The following XKR9 variants were observed in gnomAD, a reference collection of about 807,000 sequenced individuals.
XKR9 encodes the protein XK-related protein 9.
XKR9 carries 32 observed loss-of-function variants against 32.0 expected under a neutral mutation model. The observed-to-expected ratio is 1.00, with a 90% CI of 0.76 to 1.34. XKR9 has a LOEUF of 1.34. Among genes scored for constraint, XKR9 ranks in the 40% most tolerant of loss-of-function variants. The pLI, the probability that XKR9 is intolerant of heterozygous loss-of-function variation, is 0.00. For synonymous variants in XKR9, 168 were observed against 143.4 expected, an observed-to-expected ratio of 1.17 and a Z score of -1.22; for missense variants, 546 against 429.7, an observed-to-expected ratio of 1.27 and a Z score of -2.39.
At position 70,769,199 on chromosome 8, in the gene XKR9, G is replaced by T. The variant is rs1274828626; in HGVS notation, n.353-20140G>T. ...TTCTTCACTTCTGAAGCTTATTTTGGCTGGAAATGAAATTCTGGGTTGAAA... is the reference window on the plus strand; with the variant it reads ...TTCTTCACTTCTGAAGCTTATTTTGTCTGGAAATGAAATTCTGGGTTGAAA... On this transcript the variant is annotated intron_variant and non_coding_transcript_variant, in intron 2 of 3. Transcript: ENST00000520273. 4.6e-5 allele frequency among the ~76,000 whole-genome samples: 7 copies of T among 151,164 alleles called. No homozygotes were observed. The East Asian group carries it at 5.8e-4, about 13-fold the overall frequency.
At chr8:71,048,102 T>G in the XKR9 span, among the ~76,000 whole-genome samples, 54 of 152,072 alleles carry the variant, frequency 3.6e-4, no homozygotes, top group Admixed American at 1.2e-3. Flanking sequence ...AGGGAGTGAC[T>G]GAAAAAAAAT....
At chr8:70,838,382 A>G in the XKR9 span, among the ~76,000 whole-genome samples, 1 of 152,062 alleles carries the variant, frequency 6.6e-6, no homozygotes. Context: ...TTAGGTAGGT[A>G]TCATTACCCA....
the XKR9 span, among the ~76,000 whole-genome samples, chr8:71,029,688 C>T: frequency 5.3e-5 from 8 of 151,656 alleles, no homozygotes; most frequent in Non-Finnish European, 1.0e-4. Flanking sequence ...CTGAGAAAAG[C>T]TTCTAGTATT....
At chr8:70,860,571 G>A in the XKR9 span, among the ~76,000 whole-genome samples, 1 of 151,834 alleles carries the variant, frequency 6.6e-6, no homozygotes, top group Non-Finnish European at 1.5e-5. Flanking sequence ...TATTGATTAA[G>A]ATTTCTTCCT....
At chr8:70,703,150 T>A (rs1051295057) in intron 3 of XKR9, among the ~76,000 whole-genome samples, 2 of 138,442 alleles carry the variant, frequency 1.4e-5, no homozygotes, top group Non-Finnish European at 3.2e-5. Context: ...ATGTTTTGGG[T>A]TAATATTTTT....
chr8:70,685,422 C>A (rs577265414), intron 3 of XKR9, among the ~76,000 whole-genome samples: 3 of 147,070 alleles, frequency 2.0e-5, no homozygotes, highest in East Asian at 2.0e-4. Context: ...ATGCAGCACA[C>A]CAGCATGGCA....
chr8:71,017,452 G>T, the XKR9 span, among the ~76,000 whole-genome samples: 5 of 152,070 alleles, frequency 3.3e-5, no homozygotes, highest in Non-Finnish European at 7.4e-5. Flanking sequence ...GAGGTAGGAG[G>T]GATTGGGGAT....
chr8:70,741,643 A>G (rs1191143861), intron 2 of XKR9, among the ~76,000 whole-genome samples: 1 of 152,122 alleles, frequency 6.6e-6, no homozygotes, highest in Non-Finnish European at 1.5e-5. Context: ...TCATTCATTG[A>G]TGAATGGATT....
chr8:70,935,734 A>G, the XKR9 span, among the ~76,000 whole-genome samples: 1 of 152,178 alleles, frequency 6.6e-6, no homozygotes, highest in South Asian at 2.1e-4. Flanking sequence ...AGCACCTTTT[A>G]TTTACCAGGT....
At chr8:70,725,942 A>T (rs1317690297) in intron 4 of XKR9, among the ~76,000 whole-genome samples, 1 of 152,004 alleles carries the variant, frequency 6.6e-6, no homozygotes, top group East Asian at 1.9e-4. Context: ...AACAACAAAA[A>T]GTTCATGGAA....
At chr8:70,860,793 A>T in the XKR9 span, among the ~76,000 whole-genome samples, 1 of 151,830 alleles carries the variant, frequency 6.6e-6, no homozygotes, top group Non-Finnish European at 1.5e-5. Context: ...TAGGGCAATG[A>T]GCTTTGGACT....
the XKR9 span, among the ~76,000 whole-genome samples, chr8:70,920,211 T>C: frequency 6.6e-6 from 1 of 152,210 alleles, no homozygotes; most frequent in Non-Finnish European, 1.5e-5. Flanking sequence ...TATATACTTT[T>C]AGGAATACAT....
chr8:70,739,146 G>T (rs1389585400), downstream of XKR9, among the ~76,000 whole-genome samples: 2 of 151,976 alleles, frequency 1.3e-5, no homozygotes, highest in African/African-American at 2.4e-5. Flanking sequence ...ATGAATCTGG[G>T]TGCTCCTGTA....
chr8:70,830,416 A>C, the XKR9 span, among the ~76,000 whole-genome samples: 2 of 145,048 alleles, frequency 1.4e-5, no homozygotes, highest in Admixed American at 6.8e-5. Flanking sequence ...CCTTGTCTTT[A>C]CAAAAAAAAA....
Position 70,680,902 on chromosome 8 carries a change from C to A in XKR9, c.-157C>A. On this transcript the variant is annotated 5_prime_UTR_variant, in exon 3 of 5. Coordinates refer to ENST00000408926, the MANE Select transcript of XKR9 (RefSeq NM_001011720.2). Reference sequence around the variant, plus strand: ...AATTAGTCACTTTAGTGTTAGTGTTCCCATTTCATAATATTTATTCTTTCT... The same window carrying A: ...AATTAGTCACTTTAGTGTTAGTGTTACCATTTCATAATATTTATTCTTTCT... The A allele has an allele frequency of 1.6e-6, 1 of 643,538 alleles. No homozygotes were observed. The highest frequency in any genetic ancestry group is 2.5e-6 in the Non-Finnish European group (1 of 401,990). The allele number at this position is 643,538 out of a possible 1,614,324, so 39.9% of individuals were successfully genotyped here.
the XKR9 span, among the ~76,000 whole-genome samples, chr8:71,023,963 C>T: frequency 6.6e-6 from 1 of 152,042 alleles, no homozygotes; most frequent in Admixed American, 6.6e-5. Context: ...TTGTTAGGTC[C>T]CTAGTGGTGT....
At chr8:70,984,101 T>G in the XKR9 span, among the ~76,000 whole-genome samples, 5 of 152,236 alleles carry the variant, frequency 3.3e-5, no homozygotes, top group African/African-American at 4.8e-5. Context: ...TAAAACTCAG[T>G]CACTATGGGG....
chr8:70,824,555 A>T, the XKR9 span, among the ~76,000 whole-genome samples: 93 of 152,226 alleles, frequency 6.1e-4, no homozygotes, highest in African/African-American at 2.2e-3. Flanking sequence ...CAACAGGAAC[A>T]ATGTAGAGTG....
the XKR9 span, among the ~76,000 whole-genome samples, chr8:71,056,997 T>C: frequency 6.6e-6 from 1 of 152,170 alleles, no homozygotes; most frequent in African/African-American, 2.4e-5. Context: ...CCTGAGTAGA[T>C]ACTGGGCTAA....
Sources: gnomAD v4.1 joint callset for allele counts (sites outside exome capture counted in the v4.1 genomes callset) on GRCh38, gnomAD v4.1.1 for gene constraint, MANE v1.5 for transcripts, NCBI Gene and HGNC (gene_info 2026-07-23, HGNC 2026-07-21) for gene names.